FYCO1: variants seen among roughly 807,000 people sequenced by gnomAD.
FYCO1 encodes FYVE and coiled-coil domain autophagy adaptor 1.
FYCO1 carries 122 observed loss-of-function variants against 165.1 expected under a neutral mutation model. The ratio of observed to expected loss-of-function variants is 0.74; its 90% CI spans 0.64 to 0.86. The LOEUF (loss-of-function observed/expected upper bound fraction) is 0.86, where lower values mean the gene tolerates loss of function less well. Ranked by LOEUF, FYCO1 falls within the 40% of genes least tolerant of loss-of-function variation. FYCO1 has a pLI of 0.00. For missense variants in FYCO1, 1,702 were observed against 1,810.3 expected (o/e 0.94, Z 1.09); for synonymous variants, 648 against 742.5 (o/e 0.87, Z 2.07).
At chr3:45,975,876 A>G (rs1408853449) in intron 4 of FYCO1, among the ~76,000 whole-genome samples, 1 of 152,174 alleles carries the variant, frequency 6.6e-6, no homozygotes, top group African/African-American at 2.4e-5. Flanking sequence ...CTTGGCAGAA[A>G]CATGTGCAGA....
chr3:45,932,759 T>C (rs1575330814), intron 15 of FYCO1, among the ~76,000 whole-genome samples: 1 of 152,346 alleles, frequency 6.6e-6, no homozygotes, highest in East Asian at 1.9e-4. Flanking sequence ...TACTCACCTT[T>C]GTGAGAATTC....
chr3:45,930,838 C>G (rs1192841182), intron 16 of FYCO1, among the ~76,000 whole-genome samples: 1 of 152,108 alleles, frequency 6.6e-6, no homozygotes, highest in Admixed American at 6.5e-5. Context: ...CTGTTTCACA[C>G]AGGTGTGACC....
intron 13 of FYCO1, among the ~76,000 whole-genome samples, 171 bp from the exon 14 acceptor site, chr3:45,955,564 G>A (rs1316367299): frequency 1.3e-5 from 2 of 152,202 alleles, no homozygotes; most frequent in African/African-American, 4.8e-5. Context: ...TGAGAGAAAT[G>A]GTTGGTTGCT....
chr3:45,964,470 AG>A lies in FYCO1; in HGVS notation c.3151-17del. On this transcript the variant is annotated splice_polypyrimidine_tract_variant and intron_variant, in intron 9 of 17. Transcript: ENST00000296137. This position sits in a 1 kb window ranked among gnomAD's most constrained non-coding sequence, Gnocchi z 4.1. ...CTTGGGTGGCCTGGCACAGGACGTCAGGGAGAAGACACTCAGCTTGCAGAAG... is the reference window on the plus strand; with the variant it reads ...CTTGGGTGGCCTGGCACAGGACGTCAGGAGAAGACACTCAGCTTGCAGAAG... 1 of 1,613,646 alleles carries A rather than the reference AG, an allele frequency of 6.2e-7. No individual in the cohort carries two copies. Among genetic ancestry groups the A allele is most frequent in the Non-Finnish European group, 8.5e-7 (1 of 1,179,710 alleles).
chr3:45,967,149 C>G lies in FYCO1; in HGVS notation c.2185G>C (p.Glu729Gln), dbSNP rs1356341365. Residue 729 changes from glutamate (E) to glutamine (Q), a missense_variant, in exon 8 of 18, where the codon GAG (glutamate) becomes CAG (glutamine). Transcript: ENST00000296137. Reference sequence around the variant, plus strand: ...CACTGGCTCTCGAGAGCCCTAAGCTCTCTGTGCCGGGCTTCTGCCAGTTGC... The same window carrying G: ...CACTGGCTCTCGAGAGCCCTAAGCTGTCTGTGCCGGGCTTCTGCCAGTTGC... ...CQQLAEARHR[E>Q]LRALESQCQQ... is the part of the protein sequence containing the mutation. 2.5e-6 allele frequency: 4 copies of G among 1,613,536 alleles called. No homozygotes were observed. The highest frequency in any genetic ancestry group is 1.7e-5 in the Admixed American group (1 of 60,024).
rs1271586780 is a variant in FYCO1, at chr3:45,966,840, C to G, written c.2494G>C (p.Glu832Gln). Residue 832 changes from glutamate (E) to glutamine (Q), a missense_variant, in exon 8 of 18, where the codon GAG (glutamate) becomes CAG (glutamine). By Grantham distance (29) the Glu-to-Gln change is conservative. Transcript: ENST00000296137. ...EHKTLVQQLK[E>Q]QNEALNRAHV... ...GCTCTGTTAAGGGCTTCATTCTGCT[C>G]CTTCAGCTGCTGCACAAGGGTTTTG... is the stretch of plus-strand genomic sequence containing the variant. 2 of 1,611,810 alleles carry G rather than the reference C, an allele frequency of 1.2e-6. No individual in the cohort carries two copies. Among genetic ancestry groups the G allele is most frequent in the South Asian group, 2.2e-5 (2 of 91,088 alleles).
intron 17 of FYCO1, 47 bp downstream of exon 17, chr3:45,923,609 G>T: frequency 8.5e-7 from 1 of 1,172,194 alleles, no homozygotes; most frequent in East Asian, 2.3e-5. Flanking sequence ...TAGAAGAGGT[G>T]AAAGAGAGGC....
intron 13 of FYCO1, among the ~76,000 whole-genome samples, chr3:45,956,891 T>A (rs1158160660): frequency 2.0e-5 from 3 of 152,218 alleles, no homozygotes; most frequent in Admixed American, 2.0e-4. Context: ...ATTGACAAAC[T>A]GATTCTAAAA....
intron 2 of FYCO1, 113 bp from the exon 3 acceptor site, chr3:45,981,789 T>G: frequency 1.3e-6 from 1 of 754,312 alleles, no homozygotes; most frequent in Non-Finnish European, 2.4e-6. Flanking sequence ...AAAGCACCTC[T>G]GAAACATAAA....
At chr3:45,981,548 A>T in intron 3 of FYCO1, 22 bp downstream of exon 3, 1 of 1,418,176 alleles carries the variant, frequency 7.1e-7, no homozygotes, top group Non-Finnish European at 1.0e-6. Flanking sequence ...GCAAAAATCA[A>T]CACATTACAG....
chr3:45,936,508 G>T lies in FYCO1; in HGVS notation c.3980C>A (p.Thr1327Asn). ...ATCCTGCCCCACGGGCATGTCTTCAGTGTCCTCAGGCGTTAGCGAGGTTGA... is the reference window on the plus strand; with the variant it reads ...ATCCTGCCCCACGGGCATGTCTTCATTGTCCTCAGGCGTTAGCGAGGTTGA... ...TTSTSLTPED[T>N]EDMPVGQDSE... is the part of the protein sequence containing the mutation. Residue 1327 changes from threonine (T) to asparagine (N), a missense_variant, in exon 15 of 18, where the codon ACT (threonine) becomes AAT (asparagine). Thr to Asn is a moderately conservative substitution (Grantham distance 65). Coordinates refer to ENST00000296137, the MANE Select transcript of FYCO1 (RefSeq NM_024513.4). 2 of 1,614,036 alleles carry T rather than the reference G, an allele frequency of 1.2e-6. No homozygotes were observed. Among genetic ancestry groups the T allele is most frequent in the South Asian group, 1.1e-5 (1 of 91,082 alleles).
chr3:45,935,752 C>A (rs184884032), intron 15 of FYCO1, among the ~76,000 whole-genome samples: 4 of 152,312 alleles, frequency 2.6e-5, no homozygotes, highest in Admixed American at 2.6e-4. Flanking sequence ...CATCTGTCAA[C>A]CCCTGCTGGA....
chr3:45,971,742 G>A (rs1382546490), intron 6 of FYCO1, among the ~76,000 whole-genome samples: 1 of 152,162 alleles, frequency 6.6e-6, no homozygotes, highest in Non-Finnish European at 1.5e-5. Flanking sequence ...AAATTAAAGG[G>A]GACTAGAGAG....
intron 1 of FYCO1, among the ~76,000 whole-genome samples, chr3:45,994,667 C>A (rs947616462): frequency 4.6e-5 from 7 of 152,052 alleles, no homozygotes; most frequent in African/African-American, 1.7e-4. Flanking sequence ...CACACCAGCC[C>A]CCAACACCCT....
At chr3:45,949,351 G>A (rs1427477381) in intron 14 of FYCO1, among the ~76,000 whole-genome samples, 3 of 152,176 alleles carry the variant, frequency 2.0e-5, no homozygotes, top group African/African-American at 7.2e-5. Context: ...ATGTTAACCT[G>A]GAACACTTCT....
At position 45,964,431 on chromosome 3, in the gene FYCO1, C is replaced by G. The variant is rs375977355; in HGVS notation, c.3174G>C (p.Glu1058Asp). Residue 1058 changes from glutamate to aspartate, a missense_variant, in exon 10 of 18, where the codon GAG (glutamate) becomes GAC (aspartate). Physicochemically the swap from Glu to Asp is conservative, Grantham distance 45. Coordinates refer to ENST00000296137, the MANE Select transcript of FYCO1 (RefSeq NM_024513.4). This position sits in a 1 kb window ranked among gnomAD's most constrained non-coding sequence, Gnocchi z 4.1. Reference protein sequence around the residue: ...KLKATQADMGEKLSCTSNHLA... With the variant: ...KLKATQADMGDKLSCTSNHLA... ...GATGGTTGCTAGTGCAGCTCAGCTT[C>G]TCTCCCATGTCTGCTTGGGTGGCCT... 13 of 1,613,980 alleles carry G rather than the reference C, an allele frequency of 8.1e-6. No individual in the cohort carries two copies. The highest frequency in any genetic ancestry group is 1.1e-5 in the Non-Finnish European group (13 of 1,179,950).
intron 16 of FYCO1, among the ~76,000 whole-genome samples, chr3:45,930,716 C>T (rs1703554889): frequency 6.6e-6 from 1 of 152,218 alleles, no homozygotes; most frequent in South Asian, 2.1e-4. Context: ...CACCACCTCC[C>T]AAGGTGATCC....
At position 45,966,574 on chromosome 3, in the gene FYCO1, C is replaced by T. The variant is rs776218309; in HGVS notation, c.2760G>A (p.Glu920=). 9 of 1,614,124 alleles carry T rather than the reference C, an allele frequency of 5.6e-6. No homozygotes were observed. Among genetic ancestry groups the T allele is most frequent in the Non-Finnish European group, 6.8e-6 (8 of 1,180,054 alleles). The change falls in exon 8 of 18, where the codon GAG becomes GAA. Residue 920 remains glutamate (E), a synonymous_variant. Transcript: ENST00000296137. ...CACAGGCCAGTGCCTCCTCCACTCG[C>T]TCCTTTTCCACGGTCAGTGCGCAAA... is the stretch of plus-strand genomic sequence containing the variant. ...IQVCALTVEK[E]RVEEALACAV...
chr3:45,968,474 T>C lies in FYCO1; in HGVS notation c.860A>G (p.Asp287Gly). Residue 287 changes from aspartate (D) to glycine (G), a missense_variant, in exon 8 of 18, where the codon GAC (aspartate) becomes GGC (glycine). Transcript: ENST00000296137. Reference sequence around the variant, plus strand: ...TACCAAGCAAGTGAGGCGAACGTTGTCCTCCGCTGCAGTGCGCCCCCTCTC... The same window carrying C: ...TACCAAGCAAGTGAGGCGAACGTTGCCCTCCGCTGCAGTGCGCCCCCTCTC... The part of the protein sequence containing the change: ...ERERGRTAAE[D>G]NVRLTCLVAE... 1.2e-6 allele frequency: 2 copies of C among 1,614,062 alleles called. No homozygotes were observed. The highest frequency in any genetic ancestry group is 1.7e-6 in the Non-Finnish European group (2 of 1,180,046).
Sources: allele counts gnomAD v4.1 joint callset (sites outside exome capture counted in the v4.1 genomes callset), GRCh38; gene constraint gnomAD v4.1.1; non-coding constraint Gnocchi (gnomAD v3.1); transcripts MANE v1.5; gene names NCBI Gene and HGNC (gene_info 2026-07-23, HGNC 2026-07-21).